Variants in SYT1 observed in about 807,000 individuals in gnomAD.
SYT1 encodes synaptotagmin 1.
Under a neutral mutation model 44.8 loss-of-function variants are expected in SYT1, and 8 were observed. The observed-to-expected ratio is 0.18, with a 90% CI of 0.10 to 0.32. SYT1 has a LOEUF of 0.32. Ranked by LOEUF, SYT1 falls within the 10% of genes least tolerant of loss-of-function variation. SYT1 has a pLI of 1.00. For missense variants in SYT1, 286 were observed against 509.3 expected (o/e 0.56, Z 4.22); for synonymous variants, 154 against 188.8 (o/e 0.82, Z 1.51).
chr12:79,195,947 A>C (rs1227055531), intron 3 of SYT1, among the ~76,000 whole-genome samples: 5 of 152,148 alleles, frequency 3.3e-5, no homozygotes, highest in Admixed American at 3.3e-4. Flanking sequence ...TTTAAATTGC[A>C]TGCATTGTTT....
chr12:79,180,188 A>G (rs1872435713), intron 3 of SYT1, among the ~76,000 whole-genome samples: 2 of 122,620 alleles, frequency 1.6e-5, no homozygotes, highest in South Asian at 4.9e-4. Flanking sequence ...GTCCTTCCTA[A>G]AATAACCAAA....
chr12:79,291,705 C>T (rs1043440993), intron 5 of SYT1: 2 of 475,084 alleles, frequency 4.2e-6, no homozygotes, highest in Admixed American at 2.4e-5. Context: ...GCAGTTTTAT[C>T]AGAGCCAAAT....
chr12:78,886,024 G>T (rs1874729087), intron 1 of SYT1, among the ~76,000 whole-genome samples: 1 of 151,762 alleles, frequency 6.6e-6, no homozygotes, highest in Non-Finnish European at 1.5e-5. Context: ...TATAAGAAAT[G>T]GAGTTTAACT....
chr12:78,979,555 A>C (rs1404772302), intron 2 of SYT1, among the ~76,000 whole-genome samples: 2 of 152,140 alleles, frequency 1.3e-5, no homozygotes, highest in Non-Finnish European at 2.9e-5. Flanking sequence ...AGCATTGTAA[A>C]ACTAGATGTA....
At chr12:79,368,852 T>A (rs1213105903) in intron 9 of SYT1, among the ~76,000 whole-genome samples, 1 of 152,368 alleles carries the variant, frequency 6.6e-6, no homozygotes, top group East Asian at 1.9e-4. Context: ...GTAGGTTGCC[T>A]GTTCACTCTG....
At chr12:79,308,143 T>C (rs1358103971) in intron 8 of SYT1, among the ~76,000 whole-genome samples, 1 of 152,188 alleles carries the variant, frequency 6.6e-6, no homozygotes, top group Non-Finnish European at 1.5e-5. Flanking sequence ...CCAAATCCTT[T>C]CGCTGTAAGT....
chr12:78,986,951 A>G (rs1026393765), intron 2 of SYT1, among the ~76,000 whole-genome samples: 1 of 152,064 alleles, frequency 6.6e-6, no homozygotes, highest in Non-Finnish European at 1.5e-5. Flanking sequence ...GAACTGAAAA[A>G]TACTAAAGTT....
At chr12:79,081,416 A>G (rs1014979124) in intron 3 of SYT1, among the ~76,000 whole-genome samples, 4 of 149,246 alleles carry the variant, frequency 2.7e-5, no homozygotes, top group East Asian at 3.9e-4. Context: ...ATCTCACTCT[A>G]TCACCCAGGC....
intron 4 of SYT1, among the ~76,000 whole-genome samples, chr12:79,237,381 G>T (rs1442934139): frequency 6.6e-6 from 1 of 151,960 alleles, no homozygotes; most frequent in Non-Finnish European, 1.5e-5. Context: ...CACAGAGGGG[G>T]AAAAAAGACA....
At chr12:78,892,552 C>T (rs960571112) in intron 1 of SYT1, among the ~76,000 whole-genome samples, 5 of 151,564 alleles carry the variant, frequency 3.3e-5, no homozygotes, top group Admixed American at 6.6e-5. Context: ...AAATAGGAGC[C>T]GCCCCGATCA....
intron 1 of SYT1, among the ~76,000 whole-genome samples, chr12:78,931,483 AAG>A (rs1369035792): frequency 6.6e-6 from 1 of 151,912 alleles, no homozygotes; most frequent in East Asian, 1.9e-4. Flanking sequence ...GAAAGAAAGA[AAG>A]AGAAAGAGTT....
rs79058720 is a variant in SYT1, at chr12:79,134,729, C to A, written c.-17-82774C>A. ...CACTAACAAATAAGTAACAAGGGCT[C>A]GATGGGTATCAATTCCATGCCTAAC... On this transcript the variant is annotated intron_variant, in intron 3 of 10. Coordinates refer to ENST00000261205, the MANE Select transcript of SYT1 (RefSeq NM_005639.3). 1.2e-3 allele frequency among the ~76,000 whole-genome samples: 177 copies of A among 152,064 alleles called. 1 individual carries two copies. Among genetic ancestry groups the A allele is most frequent in the African/African-American group, 4.0e-3 (167 of 41,484 alleles).
intron 8 of SYT1, among the ~76,000 whole-genome samples, chr12:79,322,031 G>A (rs1023871068): frequency 1.3e-5 from 2 of 152,062 alleles, no homozygotes; most frequent in African/African-American, 4.8e-5. Context: ...CCAAGATGAA[G>A]TGACCCACCG....
intron 2 of SYT1, among the ~76,000 whole-genome samples, chr12:79,031,046 A>T (rs1356652842): frequency 6.6e-6 from 1 of 151,126 alleles, no homozygotes; most frequent in Non-Finnish European, 1.5e-5. Context: ...AGAAAGAATG[A>T]AATGCGTAAG....
intron 2 of SYT1, among the ~76,000 whole-genome samples, chr12:79,019,459 T>C (rs1369364540): frequency 1.3e-5 from 2 of 151,998 alleles, no homozygotes; most frequent in Non-Finnish European, 2.9e-5. Context: ...GATAATATCA[T>C]AATGATAGTA....
At chr12:79,362,078 T>C (rs1883337345) in intron 9 of SYT1, among the ~76,000 whole-genome samples, 1 of 152,174 alleles carries the variant, frequency 6.6e-6, no homozygotes, top group Non-Finnish European at 1.5e-5. Context: ...TAGATAATTT[T>C]AACAAGAGAA....
intron 9 of SYT1, among the ~76,000 whole-genome samples, chr12:79,376,438 G>A (rs1883998642): frequency 6.6e-6 from 1 of 152,176 alleles, no homozygotes; most frequent in Admixed American, 6.5e-5. Context: ...GTACTGGTGG[G>A]AGTGTAGCAG....
chr12:79,419,428 G>T, intron 9 of SYT1: 1 of 368,212 alleles, frequency 2.7e-6, no homozygotes. Flanking sequence ...CAGGTCAGGT[G>T]GGATCACACT....
intron 3 of SYT1, among the ~76,000 whole-genome samples, chr12:79,081,197 C>A (rs1194551620): frequency 6.6e-6 from 1 of 152,106 alleles, no homozygotes; most frequent in African/African-American, 2.4e-5. Flanking sequence ...TGTGTGTGCA[C>A]CTTGCACACA....
Sources: gnomAD v4.1 joint callset for allele counts (sites outside exome capture counted in the v4.1 genomes callset) on GRCh38, gnomAD v4.1.1 for gene constraint, MANE v1.5 for transcripts, NCBI Gene and HGNC (gene_info 2026-07-23, HGNC 2026-07-21) for gene names.